SLC2A3: variants seen among roughly 807,000 people sequenced by gnomAD.
SLC2A3 encodes the protein solute carrier family 2 member 3.
Under a neutral mutation model 46.4 loss-of-function variants are expected in SLC2A3, and 21 were observed. That is an observed-to-expected ratio of 0.45 (90% CI 0.32 to 0.65). SLC2A3 has a LOEUF of 0.65. SLC2A3 is among the 30% of genes least tolerant of loss of function. The probability of loss-of-function intolerance (pLI) is 0.04; values close to 1 mark genes in which losing one functional copy is unlikely to be tolerated. For synonymous variants in SLC2A3, 213 were observed against 239.4 expected (o/e 0.89, Z 1.02); for missense variants, 499 against 623.3 (o/e 0.80, Z 2.12).
chr12:7,934,692 C>G (rs183428301), intron 1 of SLC2A3, among the ~76,000 whole-genome samples: 3 of 152,002 alleles, frequency 2.0e-5, no homozygotes, highest in Non-Finnish European at 4.4e-5. Context: ...CATTCCCCCC[C>G]ACCCCACCAC....
intron 3 of SLC2A3, among the ~76,000 whole-genome samples, chr12:7,931,751 G>C (rs1019216509): frequency 6.6e-6 from 1 of 151,932 alleles, no homozygotes; most frequent in African/African-American, 2.4e-5. Context: ...ACTCCAGCCC[G>C]GGTGACAGAG....
Position 7,920,051 on chromosome 12 carries a change from G to A in SLC2A3, c.*1362C>T, listed in dbSNP as rs1946019761. ...AGGGCATTCGGCATAGGACCACAGT[G>A]ACATGGTAACAGACATACGCAAGCG... On this transcript the variant is annotated 3_prime_UTR_variant, in exon 10 of 10. Coordinates refer to ENST00000075120, the MANE Select transcript of SLC2A3 (RefSeq NM_006931.3). The A allele has an allele frequency of 6.6e-6, 1 of 152,314 alleles. No homozygotes were observed. Among genetic ancestry groups the A allele is most frequent in the Non-Finnish European group, 1.5e-5 (1 of 68,028 alleles). The allele number at this position is 152,314 out of a possible 1,614,324, so 9.4% of individuals were successfully genotyped here.
In SLC2A3 at chr12:7,932,843, G is replaced by C. The variant is rs962098740; in HGVS notation, c.269+144C>G. 5.7e-6 allele frequency: 7 copies of C among 1,218,340 alleles called. No homozygotes were observed. The East Asian group carries it at 1.0e-4, about 17-fold the overall frequency. The allele number at this position is 1,218,340 out of a possible 1,614,324, so 75.5% of individuals were successfully genotyped here. A position where few individuals can be genotyped will look rare whatever the true frequency, so the allele number is the denominator to read the frequency against. ...GCTCCAAGCAAGGGCAGTCATATTCGGGGCCAGTTGGACTAGGTTTCCCTT... is the reference window on the plus strand; with the variant it reads ...GCTCCAAGCAAGGGCAGTCATATTCCGGGCCAGTTGGACTAGGTTTCCCTT... On this transcript the variant is annotated intron_variant, in intron 3 of 9. Transcript: ENST00000075120.
At chr12:7,923,351 T>G (rs1946059184) in intron 8 of SLC2A3, 1 of 214,526 alleles carries the variant, frequency 4.7e-6, no homozygotes, top group South Asian at 8.6e-5. Context: ...AAAAAATTTT[T>G]TTTTTGGCCA....
chr12:7,934,045 T>C (rs1055670794), intron 1 of SLC2A3, 143 bp from the exon 2 acceptor site: 4 of 706,186 alleles, frequency 5.7e-6, no homozygotes, highest in African/African-American at 1.8e-5. Flanking sequence ...AGGTAATTAA[T>C]GGGGAAGACA....
chr12:7,933,378 T>A lies in SLC2A3; in HGVS notation c.109-231A>T, dbSNP rs765142777. The A allele has an allele frequency of 6.5e-5, 39 of 601,056 alleles. No individual in the cohort carries two copies. In the East Asian group the frequency reaches 1.1e-3, roughly 17 times the overall value. The allele number at this position is 601,056 out of a possible 1,614,324, so 37.2% of individuals were successfully genotyped here. A position where few individuals can be genotyped will look rare whatever the true frequency, so the allele number is the denominator to read the frequency against. ...CGATGTTCACAGTCTACCCCAGCCC[T>A]CTGCTAAGGGAACCCAGCTTCTTTG... On this transcript the variant is annotated intron_variant, in intron 2 of 9. Transcript: ENST00000075120.
chr12:7,925,536 TG>T (rs1314397732), intron 7 of SLC2A3: 13 of 235,832 alleles, frequency 5.5e-5, no homozygotes, highest in Admixed American at 4.4e-4. Context: ...TAACTTCTGT[TG>T]ATTATTGTTG....
rs1297406153 is a variant in SLC2A3 at position 7,924,434 on chromosome 12, G to A, written c.1044C>T (p.Leu348=). ...GLGGMAFCST[L]MTVSLLLKDN... ...CCTTTAATAACAAAGAAACAGTCATGAGCGTGGAACAAAAAGCCATCCCTC... is the reference window on the plus strand; with the variant it reads ...CCTTTAATAACAAAGAAACAGTCATAAGCGTGGAACAAAAAGCCATCCCTC... Residue 348 remains leucine, a synonymous_variant, in exon 8 of 10, where the codon CTC becomes CTT. Transcript: ENST00000075120. 1.9e-6 allele frequency: 3 copies of A among 1,610,520 alleles called. No individual in the cohort carries two copies. Among genetic ancestry groups the A allele is most frequent in the African/African-American group, 1.4e-5 (1 of 74,006 alleles).
chr12:7,922,754 T>C, intron 9 of SLC2A3, 67 bp downstream of exon 9: 1 of 1,597,166 alleles, frequency 6.3e-7, no homozygotes, highest in Non-Finnish European at 8.6e-7. Context: ...CAGACTACTG[T>C]ATTATTAAGG....
At position 7,931,368 on chromosome 12, in the gene SLC2A3, G is replaced by C. The variant is rs1946154275; in HGVS notation, c.387C>G (p.Leu129=). The change falls in exon 4 of 10, where the codon CTC becomes CTG. Residue 129 remains leucine (L), a synonymous_variant. Coordinates refer to ENST00000075120, the MANE Select transcript of SLC2A3 (RefSeq NM_006931.3). ...MLILGRLVIG[L]FCGLCTGFVP... is the part of the protein sequence containing the mutation. ...CAAAACCTGTGCAGAGTCCGCAGAA[G>C]AGGCCAATAACCAAGCGACCCAGGA... The C allele has an allele frequency of 6.2e-7, 1 of 1,614,032 alleles. No individual in the cohort carries two copies. The highest frequency in any genetic ancestry group is 1.7e-5 in the Admixed American group (1 of 59,998).
chr12:7,922,405 C>T (rs1438161147), intron 9 of SLC2A3, among the ~76,000 whole-genome samples: 1 of 152,002 alleles, frequency 6.6e-6, no homozygotes, highest in East Asian at 1.9e-4. Flanking sequence ...TGCAATTTTC[C>T]ATTTAATATT....
rs1354602820 is a variant in SLC2A3, at chr12:7,924,407, T to C, written c.1068+3A>G. Reference sequence around the variant, plus strand: ...CCTTTTTTTTCACCCAAAGAGCACCTACCTTTAATAACAAAGAAACAGTCA... The same window carrying C: ...CCTTTTTTTTCACCCAAAGAGCACCCACCTTTAATAACAAAGAAACAGTCA... On this transcript the variant is annotated splice_donor_region_variant and intron_variant, in intron 8 of 9. Coordinates refer to ENST00000075120, the MANE Select transcript of SLC2A3 (RefSeq NM_006931.3). 2.5e-6 allele frequency: 4 copies of C among 1,610,182 alleles called. No individual in the cohort carries two copies. The highest frequency in any genetic ancestry group is 3.4e-6 in the Non-Finnish European group (4 of 1,178,980).
intron 3 of SLC2A3, 60 bp from the exon 4 acceptor site, chr12:7,931,545 T>A: frequency 6.2e-7 from 1 of 1,604,228 alleles, no homozygotes; most frequent in South Asian, 1.1e-5. Flanking sequence ...TAACTTCTCC[T>A]CTGTCCTCAT....
chr12:7,933,277 A>C, intron 2 of SLC2A3, 130 bp from the exon 3 acceptor site: 2 of 1,017,710 alleles, frequency 2.0e-6, no homozygotes, highest in Non-Finnish European at 2.8e-6. Context: ...GGGGCAGATA[A>C]CGTATTGGAA....
chr12:7,921,551 A>T lies in SLC2A3; in HGVS notation c.1353T>A (p.Pro451=). 1 of 1,613,968 alleles carries T rather than the reference A, an allele frequency of 6.2e-7. No homozygotes were observed. The highest frequency in any genetic ancestry group is 8.5e-7 in the Non-Finnish European group (1 of 1,179,850). The change falls in exon 10 of 10, where the codon CCT becomes CCA. Residue 451 remains proline (P), a synonymous_variant. Coordinates refer to ENST00000075120, the MANE Select transcript of SLC2A3 (RefSeq NM_006931.3). ...CCTCAAAAGTCCTGCCACGGGTCTC[A>T]GGGACTTTGAAGAAGGTAAAAGCCA... The part of the protein sequence containing the change: ...TFLAFTFFKV[P]ETRGRTFEDI...
intron 7 of SLC2A3, chr12:7,925,306 G>A (rs755049852): frequency 6.6e-6 from 1 of 152,526 alleles, no homozygotes. Flanking sequence ...ATCTACAGCT[G>A]GTGAGTCAGA....
rs745455754 is a variant in SLC2A3, at chr12:7,921,202, A to C, written c.*211T>G. The C allele has an allele frequency of 1.3e-5, 13 of 1,023,900 alleles. No homozygotes were observed. The East Asian group carries it at 3.2e-4, about 25-fold the overall frequency. The allele number at this position is 1,023,900 out of a possible 1,614,324, so 63.4% of individuals were successfully genotyped here. On this transcript the variant is annotated 3_prime_UTR_variant, in exon 10 of 10. Coordinates refer to ENST00000075120, the MANE Select transcript of SLC2A3 (RefSeq NM_006931.3). ...AAGGTAGGTTCACTCGGTCTCTCCT[A>C]AGCAGAAGAGGATGTCCAGGAAATA...
intron 3 of SLC2A3, among the ~76,000 whole-genome samples, chr12:7,932,042 G>T (rs1233733377): frequency 6.6e-6 from 1 of 151,744 alleles, no homozygotes; most frequent in Admixed American, 6.6e-5. Flanking sequence ...CACCACGCCC[G>T]GCTAATTTTT....
At chr12:7,929,101 A>C (rs990272651) in intron 6 of SLC2A3, among the ~76,000 whole-genome samples, 33 of 152,150 alleles carry the variant, frequency 2.2e-4, no homozygotes, top group Admixed American at 3.3e-4. Flanking sequence ...CAAAATAGTA[A>C]GTTTTGCAAA....
Sources: gnomAD v4.1 joint callset for allele counts (sites outside exome capture counted in the v4.1 genomes callset) on GRCh38, gnomAD v4.1.1 for gene constraint, MANE v1.5 for transcripts, NCBI Gene and HGNC (gene_info 2026-07-23, HGNC 2026-07-21) for gene names.